The following UNC13C variants were observed in gnomAD, a reference collection of about 807,000 sequenced individuals.
The protein encoded by UNC13C is protein unc-13 homolog C.
A neutral mutation model predicts 245.4 loss-of-function variants in UNC13C; 174 were observed. The observed-to-expected ratio is 0.71, with a 90% CI of 0.63 to 0.80. The LOEUF (loss-of-function observed/expected upper bound fraction) is 0.80, where lower values mean the gene tolerates loss of function less well. UNC13C is among the 30% of genes least tolerant of loss of function. UNC13C has a pLI of 0.00. For missense variants in UNC13C, 2,829 were observed against 2,602.9 expected (o/e 1.09, Z -1.89); for synonymous variants, 992 against 895.1 (o/e 1.11, Z -1.93).
chr15:54,162,292 G>A (rs776607964), intron 4 of UNC13C, among the ~76,000 whole-genome samples: 6 of 152,122 alleles, frequency 3.9e-5, no homozygotes, highest in Admixed American at 6.5e-5. Context: ...TCCTTGTCTG[G>A]TTCACTCTAC....
intron 2 of UNC13C, among the ~76,000 whole-genome samples, chr15:54,021,656 C>T (rs907551493): frequency 6.6e-6 from 1 of 152,164 alleles, no homozygotes; most frequent in African/African-American, 2.4e-5. Context: ...CATGGAAGTG[C>T]AGCTATCTCT....
In UNC13C at chr15:54,334,725, A is replaced by C. The variant is rs569095307; in HGVS notation, c.4584+869A>C. On this transcript the variant is annotated intron_variant, in intron 16 of 32. Transcript: ENST00000260323. Reference sequence around the variant, plus strand: ...ATTAGGATAAATAGAATTTACATCAATTCTAATCTACTGTCAGTAGCTACT... The same window carrying C: ...ATTAGGATAAATAGAATTTACATCACTTCTAATCTACTGTCAGTAGCTACT... 2.0e-5 allele frequency among the ~76,000 whole-genome samples: 3 copies of C among 152,248 alleles called. No homozygotes were observed. The South Asian group carries it at 6.2e-4, about 32-fold the overall frequency.
chr15:54,569,780 GT>G (rs200758626), intron 30 of UNC13C, among the ~76,000 whole-genome samples: 6 of 150,996 alleles, frequency 4.0e-5, no homozygotes, highest in African/African-American at 1.5e-4. Flanking sequence ...CTCATTTTCT[GT>G]TTTTTTTCTG....
chr15:54,334,478 C>T (rs1459198006), intron 16 of UNC13C, among the ~76,000 whole-genome samples: 1 of 152,064 alleles, frequency 6.6e-6, no homozygotes, highest in South Asian at 2.1e-4. Context: ...CTAAAATATA[C>T]ACTCTTTGAA....
Position 54,133,956 on chromosome 15 carries a change from A to C in UNC13C, c.2984-9062A>C, listed in dbSNP as rs2031580054. Among the ~76,000 whole-genome samples the C allele has an allele frequency of 2.0e-5, 3 of 152,234 alleles. No homozygotes were observed. In the South Asian group the frequency reaches 6.2e-4, roughly 32 times the overall value. On this transcript the variant is annotated intron_variant, in intron 2 of 32. Coordinates refer to ENST00000260323, the MANE Select transcript of UNC13C (RefSeq NM_001080534.3). ...GTTGACAAATAAATTAGCTATTTCA[A>C]GGTGTTAAAATATAATGATTTGATA... is the stretch of plus-strand genomic sequence containing the variant.
intron 2 of UNC13C, among the ~76,000 whole-genome samples, chr15:54,104,906 C>T (rs915401262): frequency 6.6e-6 from 1 of 152,118 alleles, no homozygotes; most frequent in Non-Finnish European, 1.5e-5. Context: ...TGGAGAGTTA[C>T]ACTCTGGGGT....
Position 54,012,877 on chromosome 15 carries a change from C to A in UNC13C, c.-27C>A. 1 of 1,520,702 alleles carries A rather than the reference C, an allele frequency of 6.6e-7. No homozygotes were observed. 94.2% of individuals were successfully genotyped at this position (1,520,702 alleles called of 1,614,324 possible). A position where few individuals can be genotyped will look rare whatever the true frequency, so the allele number is the denominator to read the frequency against. On this transcript the variant is annotated 5_prime_UTR_variant, in exon 2 of 33. Transcript: ENST00000260323. The stretch of plus-strand genomic sequence containing the variant: ...CTGATACTTGTTTACTTTTCTGGGG[C>A]AGAAAAGCTTGCACTAATTGCTCTC...
At chr15:53,922,301 A>G in the UNC13C span, among the ~76,000 whole-genome samples, 2 of 152,226 alleles carry the variant, frequency 1.3e-5, no homozygotes, top group Admixed American at 1.3e-4. Context: ...GAGGGCATAT[A>G]TGAAAAAGGT....
chr15:53,854,277 T>A, the UNC13C span, among the ~76,000 whole-genome samples: 3 of 151,854 alleles, frequency 2.0e-5, no homozygotes, highest in African/African-American at 7.3e-5. Flanking sequence ...CACACCACCA[T>A]GCCTGGCTAA....
At chr15:54,572,722 G>A (rs756252914) in intron 30 of UNC13C, among the ~76,000 whole-genome samples, 3 of 151,878 alleles carry the variant, frequency 2.0e-5, no homozygotes, top group African/African-American at 4.8e-5. Context: ...TACCGTGCCC[G>A]GCCTGTCTCT....
the UNC13C span, among the ~76,000 whole-genome samples, chr15:53,919,330 A>T: frequency 6.6e-6 from 1 of 152,330 alleles, no homozygotes; most frequent in Admixed American, 6.5e-5. Context: ...TCAAAAACGA[A>T]CATCAGTTAT....
chr15:54,432,456 C>T (rs1022473908), intron 19 of UNC13C, among the ~76,000 whole-genome samples: 4 of 151,788 alleles, frequency 2.6e-5, no homozygotes, highest in Admixed American at 6.6e-5. Flanking sequence ...CACTCAAAAC[C>T]GCACAACTAC....
chr15:54,114,307 C>G (rs1325280704), intron 2 of UNC13C, among the ~76,000 whole-genome samples: 5 of 152,124 alleles, frequency 3.3e-5, no homozygotes, highest in Non-Finnish European at 7.3e-5. Context: ...TTATTTGGCT[C>G]TCTTGTCCTA....
intron 2 of UNC13C, among the ~76,000 whole-genome samples, chr15:54,017,673 C>G (rs1895722312): frequency 6.6e-6 from 1 of 152,166 alleles, no homozygotes; most frequent in Non-Finnish European, 1.5e-5. Flanking sequence ...ATTAGCAAGC[C>G]TCTGCAAAGC....
At chr15:54,118,522 C>T (rs941780062) in intron 2 of UNC13C, among the ~76,000 whole-genome samples, 1 of 152,030 alleles carries the variant, frequency 6.6e-6, no homozygotes, top group Non-Finnish European at 1.5e-5. Context: ...GTACTGAATT[C>T]GTTTATCCCT....
At chr15:54,209,811 A>G (rs2034825395) in intron 4 of UNC13C, among the ~76,000 whole-genome samples, 2 of 152,144 alleles carry the variant, frequency 1.3e-5, no homozygotes, top group Non-Finnish European at 2.9e-5. Flanking sequence ...TTTAATGTCA[A>G]CATGATCCAA....
intron 30 of UNC13C, among the ~76,000 whole-genome samples, chr15:54,577,035 G>C (rs1332809175): frequency 6.6e-6 from 1 of 152,160 alleles, no homozygotes; most frequent in Non-Finnish European, 1.5e-5. Flanking sequence ...TTGTGGTCCT[G>C]TTCTAGACAC....
intron 2 of UNC13C, among the ~76,000 whole-genome samples, chr15:54,104,481 A>ATCTGTTTGACCTCTAATG (rs1567017111): frequency 6.6e-6 from 1 of 152,030 alleles, no homozygotes; most frequent in Non-Finnish European, 1.5e-5. Context: ...GACCTCTAAT[A>ATCTGTTTGACCTCTAATG]TTCTTATCTG....
chr15:53,940,126 T>A, the UNC13C span, among the ~76,000 whole-genome samples: 4 of 152,114 alleles, frequency 2.6e-5, no homozygotes, highest in Non-Finnish European at 5.9e-5. Context: ...ATAGGTAAAG[T>A]CTGTTGGCTT....
Sources: allele counts gnomAD v4.1 joint callset (sites outside exome capture counted in the v4.1 genomes callset), GRCh38; gene constraint gnomAD v4.1.1; transcripts MANE v1.5; gene names NCBI Gene and HGNC (gene_info 2026-07-23, HGNC 2026-07-21).